The following CCDC110 variants were observed in gnomAD, a reference collection of about 807,000 sequenced individuals.
The protein encoded by CCDC110 is coiled-coil domain-containing protein 110.
In CCDC110, 70 loss-of-function variants were observed where a neutral mutation model predicts 77.1. The observed-to-expected ratio is 0.91, with a 90% confidence interval of 0.75 to 1.11. The LOEUF (loss-of-function observed/expected upper bound fraction) is 1.11. Among genes scored for constraint, CCDC110 ranks in the 50% least tolerant of loss-of-function variants. The pLI is 0.00. For synonymous variants in CCDC110, 295 were observed against 312.5 expected, an observed-to-expected ratio of 0.94 and a Z score of 0.59; for missense variants, 868 against 942.9, an observed-to-expected ratio of 0.92 and a Z score of 1.04.
chr4:185,446,824 A>G (rs2095613181), intron 6 of CCDC110, among the ~76,000 whole-genome samples: 1 of 152,218 alleles, frequency 6.6e-6, no homozygotes, highest in Non-Finnish European at 1.5e-5. Flanking sequence ...CATGGGGACT[A>G]ATTAGCTTGA....
At chr4:185,461,894 T>A (rs956525150) in intron 4 of CCDC110, among the ~76,000 whole-genome samples, 1 of 152,098 alleles carries the variant, frequency 6.6e-6, no homozygotes, top group Non-Finnish European at 1.5e-5. Context: ...GGTCGGGAGT[T>A]TAAGACCAGC....
intron 2 of CCDC110, 39 bp downstream of exon 2, chr4:185,470,906 G>A: frequency 7.1e-7 from 1 of 1,410,938 alleles, no homozygotes; most frequent in Non-Finnish European, 1.0e-6. Flanking sequence ...TGCCGCCTGT[G>A]TATAGTTAAA....
chr4:185,447,233 A>C (rs113207865), intron 6 of CCDC110, among the ~76,000 whole-genome samples: 14 of 150,654 alleles, frequency 9.3e-5, no homozygotes, highest in African/African-American at 3.2e-4. Context: ...CCAGGCTGGA[A>C]TGCAGTGGCA....
At chr4:185,467,204 G>C (rs2095657830) in intron 2 of CCDC110, among the ~76,000 whole-genome samples, 1 of 152,230 alleles carries the variant, frequency 6.6e-6, no homozygotes, top group African/African-American at 2.4e-5. Flanking sequence ...TGACTCAAAA[G>C]TGAGTGTTTT....
intron 6 of CCDC110, among the ~76,000 whole-genome samples, chr4:185,454,545 C>G (rs1456841720): frequency 2.6e-5 from 4 of 151,886 alleles, no homozygotes; most frequent in Non-Finnish European, 4.4e-5. Flanking sequence ...GAAACCTCAT[C>G]TCTACTAAAA....
chr4:185,452,061 C>T (rs2095629970), intron 6 of CCDC110: 1 of 263,378 alleles, frequency 3.8e-6, no homozygotes, highest in Non-Finnish European at 5.9e-6. Context: ...GGAAATCATA[C>T]ACACACATTC....
chr4:185,458,733 C>T lies in CCDC110; in HGVS notation c.1854G>A (p.Glu618=). Residue 618 remains glutamate (E), a synonymous_variant, in exon 6 of 7, where the codon GAG becomes GAA. Coordinates refer to ENST00000307588, the MANE Select transcript of CCDC110 (RefSeq NM_152775.4). ...GTTCCGTTTTTGCCAATCTTTCTTT[C>T]TCTTTTAGCTGGATTATCTCTAGCT... The part of the protein sequence containing the change: ...ESQLEIIQLK[E]KERLAKTEQE... 6.2e-7 allele frequency: 1 copy of T among 1,604,512 alleles called. No homozygotes were observed. The highest frequency in any genetic ancestry group is 8.5e-7 in the Non-Finnish European group (1 of 1,177,846).
Position 185,458,338 on chromosome 4 carries a change from A to C in CCDC110, c.2249T>G (p.Val750Gly). 6.3e-7 allele frequency: 1 copy of C among 1,587,402 alleles called. No individual in the cohort carries two copies. Among genetic ancestry groups the C allele is most frequent in the Non-Finnish European group, 8.5e-7 (1 of 1,172,450 alleles). Residue 750 changes from valine (V) to glycine (G), a missense_variant, in exon 6 of 7, where the codon GTA becomes GGA. Transcript: ENST00000307588. ...TEDKILLENY[V>G]RSIENERDTL... ...ATCCCTTTCATTTTCTATGCTTCTT[A>C]CGTAATTTTCTAAAAGTATTTTGTC...
chr4:185,471,558 G>A (rs1344785371), intron 1 of CCDC110, 116 bp downstream of exon 1: 1 of 1,200,056 alleles, frequency 8.3e-7, no homozygotes. Context: ...GGCGAGTGCA[G>A]AAGGGCGGAC....
chr4:185,469,774 G>A (rs1272862051), intron 2 of CCDC110, among the ~76,000 whole-genome samples: 1 of 152,204 alleles, frequency 6.6e-6, no homozygotes, highest in Non-Finnish European at 1.5e-5. Flanking sequence ...CTGAGGTGTG[G>A]CTGCTCTAGT....
intron 6 of CCDC110, among the ~76,000 whole-genome samples, chr4:185,451,925 T>C (rs1375481117): frequency 1.3e-5 from 2 of 152,310 alleles, no homozygotes; most frequent in East Asian, 3.9e-4. Context: ...AGTGTGACAA[T>C]TGACAGACCT....
At chr4:185,451,734 T>G (rs576883055) in intron 6 of CCDC110, among the ~76,000 whole-genome samples, 3 of 152,270 alleles carry the variant, frequency 2.0e-5, no homozygotes, top group African/African-American at 7.2e-5. Context: ...TCTTTTGAGA[T>G]AAGAGTTTTA....
intron 6 of CCDC110, among the ~76,000 whole-genome samples, chr4:185,454,455 TGTA>T (rs1381276681): frequency 6.6e-6 from 1 of 152,066 alleles, no homozygotes; most frequent in East Asian, 2.0e-4. Context: ...GGCTCACGCC[TGTA>T]ATCCCAGCAC....
intron 4 of CCDC110, 125 bp downstream of exon 4, chr4:185,462,518 T>A: frequency 4.3e-6 from 3 of 699,350 alleles, no homozygotes; most frequent in Non-Finnish European, 7.5e-6. Flanking sequence ...GAGCCTAGAA[T>A]ATGCTGTGGC....
intron 2 of CCDC110, among the ~76,000 whole-genome samples, chr4:185,464,525 GA>G: frequency 6.6e-6 from 1 of 152,090 alleles, no homozygotes; most frequent in Non-Finnish European, 1.5e-5. Context: ...AAAAAATAAG[GA>G]ACTGAAGGAA....
chr4:185,449,669 A>T (rs1272053986), intron 6 of CCDC110: 8 of 1,477,222 alleles, frequency 5.4e-6, no homozygotes, highest in Non-Finnish European at 7.3e-6. Flanking sequence ...GTAGCTTTCT[A>T]GATCTTAACT....
Position 185,471,016 on chromosome 4 carries a change from G to A in CCDC110, c.44C>T (p.Ser15Phe). 6.3e-7 allele frequency: 1 copy of A among 1,599,520 alleles called. No individual in the cohort carries two copies. The highest frequency in any genetic ancestry group is 8.5e-7 in the Non-Finnish European group (1 of 1,175,336). ...KQHREEDEVD[S>F]VLLSASKILN... ...GATCTTGGACGCTGAAAGGAGAACGGAGTCAACTTCATCCTCTTCCCGGTG... is the reference window on the plus strand; with the variant it reads ...GATCTTGGACGCTGAAAGGAGAACGAAGTCAACTTCATCCTCTTCCCGGTG... Residue 15 changes from serine (S) to phenylalanine (F), a missense_variant, in exon 2 of 7, where the codon TCC becomes TTC. Physicochemically the swap from Ser to Phe is radical, Grantham distance 155. Transcript: ENST00000307588.
In CCDC110 at chr4:185,454,957, A is replaced by ATTT. The variant is rs751351199; in HGVS notation, c.2461+3168_2461+3169insAAA. The stretch of plus-strand genomic sequence containing the variant: ...TTGTCTAAACTTCTTGATACTTAAA[A>ATTT]CTCTTTATAATGTTCGTACAAGGTG... On this transcript the variant is annotated intron_variant, in intron 6 of 6. Coordinates refer to ENST00000307588, the MANE Select transcript of CCDC110 (RefSeq NM_152775.4). Among the ~76,000 whole-genome samples, 22 of 151,866 alleles carry ATTT rather than the reference A, an allele frequency of 1.4e-4. 1 individual carries two copies. The highest frequency in any genetic ancestry group is 2.4e-4 in the Non-Finnish European group (16 of 67,924).
At chr4:185,457,831 A>AG in intron 6 of CCDC110, 1 of 1,369,250 alleles carries the variant, frequency 7.3e-7, no homozygotes, top group South Asian at 1.4e-5. Context: ...GAAAAAAAAA[A>AG]GAATTCTTTT....
Sources: allele counts gnomAD v4.1 joint callset (sites outside exome capture counted in the v4.1 genomes callset), GRCh38; gene constraint gnomAD v4.1.1; transcripts MANE v1.5; gene names NCBI Gene and HGNC (gene_info 2026-07-23, HGNC 2026-07-21).